Variants in KPNA1 observed in about 807,000 individuals in gnomAD.
KPNA1 encodes karyopherin subunit alpha 1.
A neutral mutation model predicts 70.5 loss-of-function variants in KPNA1; 10 were observed. That is an observed-to-expected ratio of 0.14 (90% CI 0.09 to 0.24). The LOEUF is 0.24. KPNA1 is among the 10% of genes least tolerant of loss of function. The pLI is 1.00. For missense variants in KPNA1, 397 were observed against 637.9 expected (o/e 0.62, Z 4.07); for synonymous variants, 192 against 221.9 (o/e 0.87, Z 1.20).
intron 4 of KPNA1, among the ~76,000 whole-genome samples, chr3:122,462,415 A>C (rs957794812): frequency 4.6e-5 from 7 of 152,174 alleles, no homozygotes; most frequent in Non-Finnish European, 1.0e-4. Context: ...GCTACCTTGG[A>C]CTACATTATC....
chr3:122,502,255 A>G (rs1413598553), intron 1 of KPNA1, among the ~76,000 whole-genome samples: 1 of 152,170 alleles, frequency 6.6e-6, no homozygotes, highest in Non-Finnish European at 1.5e-5. Context: ...ACTGAGAGAG[A>G]CTGAATTGTG....
chr3:122,455,214 ATC>A (rs959170545), intron 5 of KPNA1, among the ~76,000 whole-genome samples: 1 of 152,216 alleles, frequency 6.6e-6, no homozygotes. Context: ...ATCTGATCAA[ATC>A]ACGTTCAAAG....
chr3:122,460,179 A>G, intron 5 of KPNA1: 1 of 985,394 alleles, frequency 1.0e-6, no homozygotes, highest in Non-Finnish European at 1.2e-6. Context: ...GATCACATGT[A>G]TTTGTAACTA....
At chr3:122,486,409 C>T (rs1196343356) in intron 2 of KPNA1, among the ~76,000 whole-genome samples, 1 of 152,100 alleles carries the variant, frequency 6.6e-6, no homozygotes, top group Non-Finnish European at 1.5e-5. Context: ...GGTAACTAAT[C>T]AGTAGTAACA....
chr3:122,460,367 G>C (rs1050742735), intron 5 of KPNA1: 1 of 972,984 alleles, frequency 1.0e-6, no homozygotes, highest in African/African-American at 1.8e-5. Context: ...GCTGGGAGCA[G>C]TGGCTCACAC....
intron 2 of KPNA1, among the ~76,000 whole-genome samples, chr3:122,486,516 G>A (rs372444710): frequency 3.9e-5 from 6 of 152,228 alleles, no homozygotes; most frequent in East Asian, 1.9e-4. Context: ...CTTAACTATG[G>A]TGATGGTTTT....
chr3:122,460,654 A>C, intron 5 of KPNA1: 1 of 787,790 alleles, frequency 1.3e-6, no homozygotes, highest in African/African-American at 1.9e-5. Context: ...AGAAGAAAAA[A>C]AAAAAAAAGA....
At chr3:122,465,486 G>A (rs1353408780) in intron 3 of KPNA1, among the ~76,000 whole-genome samples, 3 of 152,094 alleles carry the variant, frequency 2.0e-5, no homozygotes, top group Admixed American at 2.0e-4. Flanking sequence ...TGACTGTATG[G>A]GTATTCAAAA....
chr3:122,467,025 AAAT>A (rs2076388375), intron 3 of KPNA1, among the ~76,000 whole-genome samples: 3 of 150,784 alleles, frequency 2.0e-5, no homozygotes, highest in African/African-American at 7.3e-5. Context: ...ATAAATAAAT[AAAT>A]AAATAAATAA....
At chr3:122,434,470 A>G (rs2075958308) in intron 11 of KPNA1, among the ~76,000 whole-genome samples, 1 of 152,192 alleles carries the variant, frequency 6.6e-6, no homozygotes, top group Non-Finnish European at 1.5e-5. Flanking sequence ...TCACTGGAGC[A>G]TCAGCCCAGG....
chr3:122,460,175 A>G, intron 5 of KPNA1: 1 of 985,256 alleles, frequency 1.0e-6, no homozygotes, highest in Non-Finnish European at 1.2e-6. Flanking sequence ...TAGGGATCAC[A>G]TGTATTTGTA....
intron 3 of KPNA1, among the ~76,000 whole-genome samples, chr3:122,466,296 A>G (rs187762250): frequency 1.3e-5 from 2 of 152,276 alleles, no homozygotes; most frequent in African/African-American, 4.8e-5. Flanking sequence ...AAAAGTTCTC[A>G]GAAAGAATAA....
At chr3:122,431,425 G>C (rs142532850) in intron 12 of KPNA1, among the ~76,000 whole-genome samples, 2 of 152,260 alleles carry the variant, frequency 1.3e-5, no homozygotes, top group East Asian at 3.9e-4. Context: ...CCAAAGTGCT[G>C]GAATTACAGA....
Position 122,427,664 on chromosome 3 carries a change from T to C in KPNA1, c.1303A>G (p.Met435Val). 1 of 1,614,120 alleles carries C rather than the reference T, an allele frequency of 6.2e-7. No homozygotes were observed. The highest frequency in any genetic ancestry group is 1.1e-5 in the South Asian group (1 of 91,070). ...GCAACCTGTACAATCTTAGAGTCCA[T>C]GACCGTGAGGAGATCACAGAGCGGC... ...IKPLCDLLTV[M>V]DSKIVQVALN... is the part of the protein sequence containing the mutation. Residue 435 changes from methionine (M) to valine (V), a missense_variant, in exon 13 of 14, where the codon ATG becomes GTG. Met to Val is a conservative substitution (Grantham distance 21). Transcript: ENST00000344337.
chr3:122,492,793 G>A (rs1182652863), intron 2 of KPNA1, among the ~76,000 whole-genome samples: 1 of 152,178 alleles, frequency 6.6e-6, no homozygotes, highest in Non-Finnish European at 1.5e-5. Flanking sequence ...TATTGCAAAG[G>A]TTCTTTCCAG....
intron 2 of KPNA1, among the ~76,000 whole-genome samples, chr3:122,484,658 T>TA (rs936479788): frequency 6.8e-6 from 1 of 147,376 alleles, no homozygotes; most frequent in African/African-American, 2.5e-5. Context: ...AAAATAATAA[T>TA]AAAAAAAATA....
chr3:122,432,154 A>G (rs1427406178), intron 12 of KPNA1, among the ~76,000 whole-genome samples: 1 of 152,348 alleles, frequency 6.6e-6, no homozygotes, highest in African/African-American at 2.4e-5. Flanking sequence ...GAGACAATTA[A>G]TAACTATAAA....
chr3:122,459,540 C>T (rs2076299468), intron 5 of KPNA1: 3 of 985,354 alleles, frequency 3.0e-6, no homozygotes, highest in Non-Finnish European at 2.4e-6. Context: ...AGGCTCTGTT[C>T]TCTGCAGTGT....
chr3:122,513,079 GATTA>G (rs2076973230), intron 1 of KPNA1, among the ~76,000 whole-genome samples: 2 of 152,166 alleles, frequency 1.3e-5, no homozygotes, highest in Non-Finnish European at 2.9e-5. Flanking sequence ...TGATTGAACG[GATTA>G]AATAAAGAAA....
Sources: allele counts gnomAD v4.1 joint callset (sites outside exome capture counted in the v4.1 genomes callset), GRCh38; gene constraint gnomAD v4.1.1; transcripts MANE v1.5; gene names NCBI Gene and HGNC (gene_info 2026-07-23, HGNC 2026-07-21).